Variants in AK5 observed in about 807,000 individuals in gnomAD.
The protein encoded by AK5 is adenylate kinase 5, also known as adenylate kinase isoenzyme 5.
AK5 carries 27 observed loss-of-function variants against 69.5 expected under a neutral mutation model. The observed-to-expected ratio is 0.39, with a 90% CI of 0.29 to 0.54. The LOEUF is 0.54. AK5 is among the 20% of genes least tolerant of loss of function. AK5 has a pLI of 0.71. For missense variants in AK5, 531 were observed against 700.4 expected (o/e 0.76, Z 2.73); for synonymous variants, 260 against 244.4 (o/e 1.06, Z -0.60).
At chr1:77,376,608 A>G (rs1570467316) in intron 6 of AK5, among the ~76,000 whole-genome samples, 1 of 152,066 alleles carries the variant, frequency 6.6e-6, no homozygotes, top group African/African-American at 2.4e-5. Flanking sequence ...AGGTTGCATG[A>G]TATCAGCCAA....
intron 5 of AK5, among the ~76,000 whole-genome samples, chr1:77,311,054 T>G (rs1659926223): frequency 6.6e-6 from 1 of 152,168 alleles, no homozygotes; most frequent in Non-Finnish European, 1.5e-5. Context: ...TGTTTGTGGG[T>G]ATGTCTGTTT....
intron 13 of AK5, among the ~76,000 whole-genome samples, chr1:77,554,098 A>C (rs188184594): frequency 6.6e-6 from 1 of 152,218 alleles, no homozygotes; most frequent in Non-Finnish European, 1.5e-5. Flanking sequence ...TGTCCTGAGT[A>C]GGCAAATCTA....
In AK5 at chr1:77,458,347, C is replaced by T. The variant is rs538618767; in HGVS notation, c.1060-24970C>T. Among the ~76,000 whole-genome samples the T allele has an allele frequency of 5.9e-5, 9 of 152,230 alleles. No homozygotes were observed. The South Asian group carries it at 1.5e-3, about 25-fold the overall frequency. ...ATTATGTCTCCTCTCTGACAGTGAC[C>T]CTCCTGTGCACCAAACCTGAGTAGT... On this transcript the variant is annotated intron_variant, in intron 8 of 13. Coordinates refer to ENST00000354567, the MANE Select transcript of AK5 (RefSeq NM_174858.3).
intron 6 of AK5, among the ~76,000 whole-genome samples, chr1:77,350,958 TA>T (rs1465117970): frequency 6.6e-6 from 1 of 152,210 alleles, no homozygotes; most frequent in African/African-American, 2.4e-5. Context: ...GTTAATGAAT[TA>T]ATTCAATCGT....
intron 8 of AK5, among the ~76,000 whole-genome samples, chr1:77,439,674 T>C (rs1252838694): frequency 4.0e-5 from 6 of 151,676 alleles, no homozygotes; most frequent in African/African-American, 1.5e-4. Flanking sequence ...GCCTGGCTTA[T>C]TTCACTTAAC....
At chr1:77,489,521 T>C (rs1480632805) in intron 10 of AK5, among the ~76,000 whole-genome samples, 1 of 152,214 alleles carries the variant, frequency 6.6e-6, no homozygotes, top group African/African-American at 2.4e-5. Context: ...CTTATGAAAA[T>C]ATTCCAGATG....
At chr1:77,531,915 C>T (rs1658629777) in intron 12 of AK5, among the ~76,000 whole-genome samples, 1 of 151,850 alleles carries the variant, frequency 6.6e-6, no homozygotes, top group Admixed American at 6.6e-5. Flanking sequence ...CGCGGGGAGG[C>T]AGCTAAGGCC....
chr1:77,363,960 G>C (rs191173000), intron 6 of AK5, among the ~76,000 whole-genome samples: 1 of 152,190 alleles, frequency 6.6e-6, no homozygotes, highest in East Asian at 1.9e-4. Context: ...CTCCATGAAG[G>C]CCGGGATTTT....
intron 1 of AK5, among the ~76,000 whole-genome samples, chr1:77,285,673 A>G (rs1477768408): frequency 6.6e-6 from 1 of 152,236 alleles, no homozygotes; most frequent in Non-Finnish European, 1.5e-5. Flanking sequence ...ATCTAGTGCC[A>G]GTGACACATC....
chr1:77,369,983 T>C (rs1260025173), intron 6 of AK5, among the ~76,000 whole-genome samples: 1 of 152,250 alleles, frequency 6.6e-6, no homozygotes, highest in East Asian at 1.9e-4. Context: ...CAGTTATATC[T>C]GCTTTGAGAA....
At chr1:77,392,833 G>C (rs2100530654) in intron 6 of AK5, among the ~76,000 whole-genome samples, 1 of 151,984 alleles carries the variant, frequency 6.6e-6, no homozygotes, top group South Asian at 2.1e-4. Flanking sequence ...CATTGTTGTA[G>C]TTTCTCATTC....
At chr1:77,465,378 G>GA (rs1329941781) in intron 8 of AK5, among the ~76,000 whole-genome samples, 2 of 152,052 alleles carry the variant, frequency 1.3e-5, no homozygotes, top group African/African-American at 4.8e-5. Flanking sequence ...GAAAAAAAAT[G>GA]AAAAAATAAA....
intron 6 of AK5, among the ~76,000 whole-genome samples, chr1:77,407,637 A>T (rs1649747935): frequency 6.6e-6 from 1 of 152,098 alleles, no homozygotes; most frequent in African/African-American, 2.4e-5. Flanking sequence ...ATATAATTTC[A>T]ATTTTTATTT....
At chr1:77,544,983 CTG>C in intron 13 of AK5, among the ~76,000 whole-genome samples, 1 of 152,294 alleles carries the variant, frequency 6.6e-6, no homozygotes, top group South Asian at 2.1e-4. Context: ...ATCCATTGCG[CTG>C]TGACATTGTG....
intron 8 of AK5, among the ~76,000 whole-genome samples, chr1:77,457,876 A>G (rs1224392090): frequency 6.6e-6 from 1 of 152,128 alleles, no homozygotes; most frequent in African/African-American, 2.4e-5. Context: ...ACAAATTACC[A>G]CAAACTTAGT....
At chr1:77,521,306 G>A (rs1463467062) in intron 11 of AK5, among the ~76,000 whole-genome samples, 2 of 151,978 alleles carry the variant, frequency 1.3e-5, no homozygotes, top group Non-Finnish European at 2.9e-5. Flanking sequence ...GCCAATTTTT[G>A]TATTTTTAAT....
chr1:77,393,389 T>G (rs914435217), intron 6 of AK5, among the ~76,000 whole-genome samples: 8 of 152,212 alleles, frequency 5.3e-5, no homozygotes, highest in African/African-American at 1.7e-4. Context: ...TATGGAAATG[T>G]GAAAGCTAGG....
At chr1:77,522,010 T>C in intron 12 of AK5, 67 bp downstream of exon 12, 1 of 1,225,174 alleles carries the variant, frequency 8.2e-7, no homozygotes, top group South Asian at 1.5e-5. Flanking sequence ...TGGGTGATAA[T>C]TCAAAGTCTA....
Position 77,455,836 on chromosome 1 carries a change from A to G in AK5, c.1060-27481A>G, listed in dbSNP as rs553802422. Among the ~76,000 whole-genome samples, 8 of 152,270 alleles carry G rather than the reference A, an allele frequency of 5.3e-5. No individual in the cohort carries two copies. In the South Asian group the frequency reaches 1.7e-3, roughly 32 times the overall value. On this transcript the variant is annotated intron_variant, in intron 8 of 13. Transcript: ENST00000354567. ...CAAAGTTAGGTTTTGAAATCTCCCCAGGTGATTGTAATGTGTGTCTGGCAT... is the reference window on the plus strand; with the variant it reads ...CAAAGTTAGGTTTTGAAATCTCCCCGGGTGATTGTAATGTGTGTCTGGCAT...
Sources: gnomAD v4.1 joint callset for allele counts (sites outside exome capture counted in the v4.1 genomes callset) on GRCh38, gnomAD v4.1.1 for gene constraint, MANE v1.5 for transcripts, NCBI Gene and HGNC (gene_info 2026-07-23, HGNC 2026-07-21) for gene names.